Variants in LTBP1 observed in about 807,000 individuals in gnomAD.
LTBP1 encodes the protein latent transforming growth factor beta binding protein 1.
A neutral mutation model predicts 207.6 loss-of-function variants in LTBP1; 129 were observed. The observed-to-expected ratio is 0.62, with a 90% confidence interval of 0.54 to 0.72. LTBP1 has a LOEUF of 0.72. LTBP1 is among the 30% of genes least tolerant of loss of function. The pLI is 0.00. For synonymous variants in LTBP1, 963 were observed against 833.7 expected, an observed-to-expected ratio of 1.16 and a Z score of -2.67; for missense variants, 2,281 against 2,217.2, an observed-to-expected ratio of 1.03 and a Z score of -0.58.
chr2:33,205,117 A>G (rs902416825), intron 7 of LTBP1, among the ~76,000 whole-genome samples: 8 of 152,218 alleles, frequency 5.3e-5, no homozygotes, highest in African/African-American at 1.9e-4. Context: ...GGACAGATCA[A>G]TGTCAAACAG....
intron 2 of LTBP1, among the ~76,000 whole-genome samples, chr2:33,018,448 A>G (rs1201012067): frequency 6.6e-6 from 1 of 152,194 alleles, no homozygotes; most frequent in Admixed American, 6.5e-5. Flanking sequence ...TGAAAGCATG[A>G]TGAGAAGGCA....
intron 9 of LTBP1, among the ~76,000 whole-genome samples, chr2:33,238,528 C>G (rs1402101471): frequency 1.3e-5 from 2 of 152,312 alleles, no homozygotes; most frequent in East Asian, 3.9e-4. Context: ...AATATTTAAA[C>G]TACAAGTAAC....
intron 7 of LTBP1, among the ~76,000 whole-genome samples, chr2:33,196,063 G>A (rs1207593575): frequency 6.6e-6 from 1 of 152,212 alleles, no homozygotes; most frequent in African/African-American, 2.4e-5. Context: ...ATAGACGACA[G>A]TATAGTGTAA....
At chr2:33,387,218 T>G (rs1007026420) in intron 31 of LTBP1, among the ~76,000 whole-genome samples, 6 of 152,232 alleles carry the variant, frequency 3.9e-5, no homozygotes, top group African/African-American at 1.2e-4. Flanking sequence ...CTTTCAGATG[T>G]ACAACAAATG....
intron 3 of LTBP1, among the ~76,000 whole-genome samples, chr2:33,087,223 G>T (rs538748347): frequency 6.7e-6 from 1 of 150,012 alleles, no homozygotes; most frequent in South Asian, 2.1e-4. Flanking sequence ...TACAGTTAGT[G>T]CCTGGCTACT....
intron 3 of LTBP1, among the ~76,000 whole-genome samples, chr2:33,024,465 G>C (rs1047647498): frequency 6.6e-6 from 1 of 152,216 alleles, no homozygotes; most frequent in Non-Finnish European, 1.5e-5. Context: ...TGAGATGTTT[G>C]AGGAACAGCT....
At chr2:33,314,831 C>T (rs2094242519) in intron 23 of LTBP1, among the ~76,000 whole-genome samples, 1 of 152,174 alleles carries the variant, frequency 6.6e-6, no homozygotes, top group Admixed American at 6.5e-5. Context: ...CAATGAAGAG[C>T]ATCTCTCAGA....
intron 5 of LTBP1, among the ~76,000 whole-genome samples, chr2:33,156,724 CATATT>C (rs1265505173): frequency 6.6e-6 from 1 of 151,844 alleles, no homozygotes; most frequent in Admixed American, 6.6e-5. Flanking sequence ...CATATTTTAA[CATATT>C]ATAAAATAGA....
At chr2:33,072,554 G>T (rs1190438563) in intron 3 of LTBP1, among the ~76,000 whole-genome samples, 1 of 152,154 alleles carries the variant, frequency 6.6e-6, no homozygotes, top group Non-Finnish European at 1.5e-5. Context: ...AAAGGCAGGG[G>T]GATATCTGAG....
intron 11 of LTBP1, among the ~76,000 whole-genome samples, 159 bp from the exon 12 acceptor site, chr2:33,257,125 A>G (rs2092884735): frequency 6.6e-6 from 1 of 152,150 alleles, no homozygotes; most frequent in East Asian, 1.9e-4. Context: ...TTTATCAGAA[A>G]TTCGAGCAAT....
chr2:33,235,475 C>T (rs2091996328), intron 9 of LTBP1, among the ~76,000 whole-genome samples: 2 of 152,160 alleles, frequency 1.3e-5, no homozygotes, highest in South Asian at 2.1e-4. Flanking sequence ...TTAGTTCAAC[C>T]ATTGTGGAAG....
intron 20 of LTBP1, among the ~76,000 whole-genome samples, chr2:33,295,144 AT>A (rs775427823): frequency 5.9e-4 from 90 of 152,030 alleles, no homozygotes; most frequent in Admixed American, 1.3e-3. Context: ...TATACTTAAC[AT>A]TTATATTTGT....
intron 2 of LTBP1, among the ~76,000 whole-genome samples, chr2:33,010,264 C>T (rs1687488842): frequency 6.6e-6 from 1 of 152,176 alleles, no homozygotes; most frequent in Non-Finnish European, 1.5e-5. Flanking sequence ...AAAGTGGATG[C>T]ACAAGGCTGA....
In LTBP1 at chr2:32,950,055, CA is replaced by C. The variant is rs1215312539; in HGVS notation, c.565+1111del. 3.3e-5 allele frequency among the ~76,000 whole-genome samples: 5 copies of C among 152,174 alleles called. No homozygotes were observed. In the East Asian group the frequency reaches 9.6e-4, roughly 29 times the overall value. On this transcript the variant is annotated intron_variant, in intron 2 of 33. Coordinates refer to ENST00000404816, the MANE Select transcript of LTBP1 (RefSeq NM_206943.4). Reference sequence around the variant, plus strand: ...CATTTTAGATTAAGTCATAATTTTTCATTTTGTAACTTCTTAAATTATACTT... The same window carrying C: ...CATTTTAGATTAAGTCATAATTTTTCTTTTGTAACTTCTTAAATTATACTT...
intron 5 of LTBP1, among the ~76,000 whole-genome samples, chr2:33,180,542 C>G (rs1052344165): frequency 1.3e-5 from 2 of 151,712 alleles, no homozygotes; most frequent in African/African-American, 4.8e-5. Context: ...ACCCCTGCCT[C>G]CCGCGTTCAA....
At chr2:33,195,761 C>G (rs1189990626) in intron 7 of LTBP1, among the ~76,000 whole-genome samples, 1 of 152,148 alleles carries the variant, frequency 6.6e-6, no homozygotes, top group Non-Finnish European at 1.5e-5. Flanking sequence ...TAGCATGGGT[C>G]AAATGCTATC....
At chr2:33,016,859 C>T (rs1036425918) in intron 2 of LTBP1, among the ~76,000 whole-genome samples, 39 of 152,078 alleles carry the variant, frequency 2.6e-4, no homozygotes. Context: ...CCTATCTCTA[C>T]TAAAAATACA....
chr2:33,010,576 A>G (rs1293973886), intron 2 of LTBP1, among the ~76,000 whole-genome samples: 1 of 152,190 alleles, frequency 6.6e-6, no homozygotes, highest in Non-Finnish European at 1.5e-5. Flanking sequence ...GATGCCCTAA[A>G]TATGCTGACT....
intron 11 of LTBP1, among the ~76,000 whole-genome samples, chr2:33,254,010 C>T (rs2092757764): frequency 2.0e-5 from 3 of 151,418 alleles, no homozygotes; most frequent in Non-Finnish European, 4.4e-5. Flanking sequence ...CTGCCTCAGC[C>T]TCCCAAGTAG....
Sources: gnomAD v4.1 joint callset for allele counts (sites outside exome capture counted in the v4.1 genomes callset) on GRCh38, gnomAD v4.1.1 for gene constraint, MANE v1.5 for transcripts, NCBI Gene and HGNC (gene_info 2026-07-23, HGNC 2026-07-21) for gene names.